Variants in KIAA2012 observed in about 807,000 individuals in gnomAD.
KIAA2012 encodes the protein uncharacterized protein KIAA2012.
A neutral mutation model predicts 150.6 loss-of-function variants in KIAA2012; 125 were observed. The observed-to-expected ratio is 0.83, with a 90% CI of 0.72 to 0.96. The LOEUF is 0.96. Among genes scored for constraint, KIAA2012 ranks in the 40% least tolerant of loss-of-function variants. KIAA2012 has a pLI of 0.00. For synonymous variants in KIAA2012, 462 were observed against 504.7 expected (o/e 0.92, Z 1.13); for missense variants, 1,219 against 1,354.9 (o/e 0.90, Z 1.57).
rs765786573 is a variant in KIAA2012 at position 202,113,438 on chromosome 2, C to A, written c.1754C>A (p.Ser585Ter). ...PGHTQTEALP[S>*]GKAYESVNSN... The stretch of plus-strand genomic sequence containing the variant: ...CATACCCAAACCGAGGCGCTTCCAT[C>A]GGGTAAAGGTAAGCTAACACATTCC... The change falls in exon 11 of 24, where the codon TCG (serine) becomes TAG (stop). Residue 585 changes from serine (S) to a stop codon, truncating the protein, a stop_gained. Coordinates refer to ENST00000498697, the MANE Select transcript of KIAA2012 (RefSeq NM_001277372.4). LOFTEE classifies it high-confidence loss of function. 6.5e-7 allele frequency: 1 copy of A among 1,547,978 alleles called. No homozygotes were observed. The highest frequency in any genetic ancestry group is 2.4e-5 in the East Asian group (1 of 40,870).
rs758398308 is a variant in KIAA2012, at chr2:202,187,993, G to A, written c.2377-159G>A. Among the ~76,000 whole-genome samples, 20 of 152,122 alleles carry A rather than the reference G, an allele frequency of 1.3e-4. No homozygotes were observed. In the Middle Eastern group the frequency reaches 0.01, roughly 78 times the overall value. ...GGCTGAACCTCTGAGTCTCCCCATC[G>A]GCTCTGCATTCTCTAAGATTCACTC... On this transcript the variant is annotated intron_variant, in intron 17 of 23. Transcript: ENST00000498697.
intron 22 of KIAA2012, chr2:202,201,453 G>GCTGCCTGCATGA (rs1430904810): frequency 1.6e-5 from 25 of 1,593,594 alleles, no homozygotes; most frequent in Non-Finnish European, 2.2e-5. Flanking sequence ...GAGGACATTG[G>GCTGCCTGCATGA]CTGCCTGCAT....
chr2:202,097,587 C>CTTTT lies in KIAA2012; in HGVS notation c.828+23_828+26dup. On this transcript the variant is annotated intron_variant, in intron 5 of 23. Coordinates refer to ENST00000498697, the MANE Select transcript of KIAA2012 (RefSeq NM_001277372.4). The stretch of plus-strand genomic sequence containing the variant: ...TGAAACGCAGGCAGAGGTACCATTT[C>CTTTT]TTTTTTTTTTTTTTTTCCCCGAGAC... 7.0e-7 allele frequency: 1 copy of CTTTT among 1,419,290 alleles called. No individual in the cohort carries two copies. Among genetic ancestry groups the CTTTT allele is most frequent in the South Asian group, 1.4e-5 (1 of 72,834 alleles). 87.9% of individuals were successfully genotyped at this position (1,419,290 alleles called of 1,614,324 possible). A position where few individuals can be genotyped will look rare whatever the true frequency, so the allele number is the denominator to read the frequency against.
intron 15 of KIAA2012, among the ~76,000 whole-genome samples, chr2:202,177,579 GTC>G (rs1692021362): frequency 1.3e-5 from 2 of 152,098 alleles, no homozygotes; most frequent in South Asian, 2.1e-4. Flanking sequence ...TAGAGATGGG[GTC>G]TCTCTATGTT....
intron 14 of KIAA2012, among the ~76,000 whole-genome samples, chr2:202,162,338 G>A (rs1331088061): frequency 4.6e-5 from 7 of 151,804 alleles, no homozygotes; most frequent in South Asian, 2.1e-4. Context: ...GCAGTGTTGC[G>A]ATCTCGGCTC....
At chr2:202,078,413 C>T (rs1689372825) in intron 2 of KIAA2012, among the ~76,000 whole-genome samples, 1 of 152,180 alleles carries the variant, frequency 6.6e-6, no homozygotes, top group African/African-American at 2.4e-5. Context: ...CTCAGCCTCC[C>T]CAGTAGCTGA....
At chr2:202,185,630 A>AT (rs1692212905) in intron 16 of KIAA2012, among the ~76,000 whole-genome samples, 1 of 152,082 alleles carries the variant, frequency 6.6e-6, no homozygotes, top group South Asian at 2.1e-4. Flanking sequence ...AAACACAAAA[A>AT]TTTTTTTAAA....
chr2:202,132,756 G>GTGTATATATAGTATATATGTATATATT, intron 12 of KIAA2012, among the ~76,000 whole-genome samples: 1 of 87,782 alleles, frequency 1.1e-5, no homozygotes, highest in South Asian at 3.8e-4. Context: ...TAGTATATAT[G>GTGTATATATAGTATATATGTATATATT]TATATATATA....
chr2:202,109,795 C>A lies in KIAA2012; in HGVS notation c.1651+6C>A. On this transcript the variant is annotated splice_donor_region_variant and intron_variant, in intron 10 of 23. Coordinates refer to ENST00000498697, the MANE Select transcript of KIAA2012 (RefSeq NM_001277372.4). ...GGCACTGCCAGCAGCTCAAGGTAATCATTCCCAGAGTGCATAGACGCCCCC... is the reference window on the plus strand; with the variant it reads ...GGCACTGCCAGCAGCTCAAGGTAATAATTCCCAGAGTGCATAGACGCCCCC... The A allele has an allele frequency of 6.5e-7, 1 of 1,545,428 alleles. No homozygotes were observed. Among genetic ancestry groups the A allele is most frequent in the Non-Finnish European group, 8.7e-7 (1 of 1,145,146 alleles).
chr2:202,128,714 CT>C (rs68128318), intron 12 of KIAA2012, among the ~76,000 whole-genome samples: 52,193 of 137,204 alleles, frequency 0.38, 9,501 homozygotes, highest in East Asian at 0.58. Context: ...TGAAACAGGC[CT>C]TTTTTTTTTT....
chr2:202,188,364 C>A, intron 18 of KIAA2012, 98 bp downstream of exon 18: 1 of 966,328 alleles, frequency 1.0e-6, no homozygotes, highest in Non-Finnish European at 1.5e-6. Flanking sequence ...CGGACAAACT[C>A]TCTGTTTTGA....
At position 202,196,923 on chromosome 2, in the gene KIAA2012, A is replaced by G; in HGVS notation, c.3311A>G (p.Lys1104Arg). The G allele has an allele frequency of 1.3e-6, 2 of 1,550,730 alleles. No individual in the cohort carries two copies. The highest frequency in any genetic ancestry group is 1.7e-6 in the Non-Finnish European group (2 of 1,147,006). Reference protein sequence around the residue: ...YQRRKQEAEEKARLEAEERRQ... With the variant: ...YQRRKQEAEERARLEAEERRQ... ...CGGCGGAAACAGGAAGCAGAAGAGAAGGCTCGGCTGGAGGCAGAGGAGAGG... is the reference window on the plus strand; with the variant it reads ...CGGCGGAAACAGGAAGCAGAAGAGAGGGCTCGGCTGGAGGCAGAGGAGAGG... Residue 1104 changes from lysine (K) to arginine (R), a missense_variant, in exon 22 of 24, where the codon AAG (lysine) becomes AGG (arginine). Physicochemically the swap from Lys to Arg is conservative, Grantham distance 26 (BLOSUM62 2). Coordinates refer to ENST00000498697, the MANE Select transcript of KIAA2012 (RefSeq NM_001277372.4).
At chr2:202,076,842 G>C (rs537541898) in intron 2 of KIAA2012, 17 of 399,796 alleles carry the variant, frequency 4.3e-5, no homozygotes, top group African/African-American at 3.5e-4. Context: ...GATTCCCTCT[G>C]TTCCCTTCCC....
At chr2:202,133,021 C>T (rs541631853) in intron 12 of KIAA2012, among the ~76,000 whole-genome samples, 6 of 141,030 alleles carry the variant, frequency 4.3e-5, no homozygotes, top group South Asian at 2.2e-4. Context: ...GGAAGAATGG[C>T]GTGAACCTAG....
At chr2:202,151,661 C>G (rs149668182) in intron 13 of KIAA2012, among the ~76,000 whole-genome samples, 2 of 152,262 alleles carry the variant, frequency 1.3e-5, no homozygotes, top group East Asian at 3.9e-4. Flanking sequence ...GTTTGTTTGT[C>G]TGACACATAG....
chr2:202,138,552 C>G (rs1461380447), intron 13 of KIAA2012, 44 bp downstream of exon 13: 2 of 1,434,040 alleles, frequency 1.4e-6, no homozygotes, highest in African/African-American at 1.4e-5. Context: ...GGAGTCACAA[C>G]TCTTGGGTTC....
chr2:202,165,389 A>G (rs1389142452), intron 15 of KIAA2012, 33 bp downstream of exon 15: 3 of 1,537,582 alleles, frequency 2.0e-6, no homozygotes, highest in Admixed American at 3.9e-5. Context: ...TTATAATCTT[A>G]TAGCCATAAC....
chr2:202,075,658 C>T (rs1436104266), intron 2 of KIAA2012, among the ~76,000 whole-genome samples: 1 of 152,152 alleles, frequency 6.6e-6, no homozygotes, highest in East Asian at 1.9e-4. Flanking sequence ...ATCCTGAATA[C>T]AATATTAAGG....
chr2:202,079,762 A>G (rs1689405207), intron 2 of KIAA2012, among the ~76,000 whole-genome samples: 1 of 152,250 alleles, frequency 6.6e-6, no homozygotes, highest in Non-Finnish European at 1.5e-5. Context: ...TAGCATTTCC[A>G]AAGTTGAAAC....
Sources: allele counts gnomAD v4.1 joint callset (sites outside exome capture counted in the v4.1 genomes callset), GRCh38; gene constraint gnomAD v4.1.1; transcripts MANE v1.5; gene names NCBI Gene and HGNC (gene_info 2026-07-23, HGNC 2026-07-21).